Variants in RAB27B observed in about 807,000 individuals in gnomAD.
RAB27B encodes ras-related protein Rab-27B.
In RAB27B, 15 loss-of-function variants were observed where a neutral mutation model predicts 24.6. The observed-to-expected ratio is 0.61, with a 90% confidence interval of 0.41 to 0.94. The LOEUF is 0.94. Among genes scored for constraint, RAB27B ranks in the 40% least tolerant of loss-of-function variants. The probability of loss-of-function intolerance (pLI) is 0.00; values close to 1 mark genes in which losing one functional copy is unlikely to be tolerated. For missense variants in RAB27B, 261 were observed against 266.8 expected (o/e 0.98, Z 0.15); for synonymous variants, 105 against 92.5 (o/e 1.14, Z -0.78).
intron 2 of RAB27B, among the ~76,000 whole-genome samples, chr18:54,732,420 C>T (rs1053845534): frequency 3.9e-5 from 6 of 152,080 alleles, no homozygotes; most frequent in South Asian, 4.1e-4. Context: ...GCCAACATCC[C>T]CAGTTTAGAA....
intron 2 of RAB27B, among the ~76,000 whole-genome samples, chr18:54,727,092 C>T (rs1415117334): frequency 6.6e-6 from 1 of 152,182 alleles, no homozygotes; most frequent in East Asian, 1.9e-4. Flanking sequence ...AAGCATTCTA[C>T]CTCAGCCTAT....
chr18:54,781,871 T>A, intron 2 of RAB27B, among the ~76,000 whole-genome samples: 1 of 152,022 alleles, frequency 6.6e-6, no homozygotes, highest in East Asian at 1.9e-4. Context: ...CTCAGGGAAA[T>A]TTTTTTCACA....
intron 1 of RAB27B, among the ~76,000 whole-genome samples, chr18:54,837,677 ATTATTTTCT>A (rs1910949217): frequency 2.0e-5 from 3 of 152,038 alleles, no homozygotes; most frequent in Admixed American, 1.3e-4. Flanking sequence ...GAGAGGAATA[ATTATTTTCT>A]TTATTTTCTG....
chr18:54,888,377 T>C (rs1277427446), intron 5 of RAB27B, among the ~76,000 whole-genome samples: 4 of 152,168 alleles, frequency 2.6e-5, no homozygotes, highest in Admixed American at 2.6e-4. Context: ...ACTAGAGTTA[T>C]CTCATTTTAT....
chr18:54,760,993 T>C (rs1908168608), intron 2 of RAB27B, among the ~76,000 whole-genome samples: 1 of 101,706 alleles, frequency 9.8e-6, no homozygotes, highest in African/African-American at 3.1e-5. Flanking sequence ...AGGAGAGGTA[T>C]TCTTTTTTTT....
intron 2 of RAB27B, among the ~76,000 whole-genome samples, chr18:54,729,865 A>C (rs1909673667): frequency 6.6e-6 from 1 of 152,312 alleles, no homozygotes; most frequent in East Asian, 1.9e-4. Context: ...ACAAAAAAAA[A>C]ATGTTGAAAG....
At chr18:54,843,358 CT>C (rs1911193931) in intron 1 of RAB27B, among the ~76,000 whole-genome samples, 2 of 23,786 alleles carry the variant, frequency 8.4e-5, no homozygotes, top group Non-Finnish European at 7.6e-4. Context: ...TTCAATAAAA[CT>C]CTTTTTTTTT....
At chr18:54,735,202 A>G (rs1909851501) in intron 2 of RAB27B, among the ~76,000 whole-genome samples, 1 of 152,238 alleles carries the variant, frequency 6.6e-6, no homozygotes, top group Admixed American at 6.5e-5. Flanking sequence ...ACTTTCATTA[A>G]TAACAAAAAA....
At position 54,750,854 on chromosome 18, in the gene RAB27B, G is replaced by A. The variant is rs73959274; in HGVS notation, c.-20+32713G>A. Among the ~76,000 whole-genome samples the A allele has an allele frequency of 2.1e-3, 319 of 152,334 alleles. 2 individuals are homozygous for A. Among genetic ancestry groups the A allele is most frequent in the African/African-American group, 7.5e-3 (312 of 41,582 alleles). The stretch of plus-strand genomic sequence containing the variant: ...TTCTGGAAGAGAATGTAACAGAAAT[G>A]AGTCTTAGGTGATGGGCAGGAGTTA... On this transcript the variant is annotated intron_variant, in intron 2 of 4. Coordinates refer to the RAB27B transcript ENST00000586570.
At chr18:54,833,341 C>T in intron 1 of RAB27B, among the ~76,000 whole-genome samples, 1 of 151,734 alleles carries the variant, frequency 6.6e-6, no homozygotes, top group Non-Finnish European at 1.5e-5. Flanking sequence ...ATTCTCCCAC[C>T]TCAGCCTCCC....
At chr18:54,749,938 T>C (rs1216827499) in intron 2 of RAB27B, among the ~76,000 whole-genome samples, 3 of 152,200 alleles carry the variant, frequency 2.0e-5, no homozygotes, top group African/African-American at 7.2e-5. Flanking sequence ...AAATAAATAC[T>C]GTTTAGAAAT....
Position 54,890,288 on chromosome 18 carries a change from G to A in RAB27B, c.*875G>A, listed in dbSNP as rs923218251. 1 of 152,100 alleles carries A rather than the reference G, an allele frequency of 6.6e-6. No individual in the cohort carries two copies. 9.4% of individuals were successfully genotyped at this position (152,100 alleles called of 1,614,324 possible). A position where few individuals can be genotyped will look rare whatever the true frequency, so the allele number is the denominator to read the frequency against. ...ATTTCAAACAAAATTTTAGAAATTG[G>A]TTTGGTGTTCAGCTTCACATTTCAT... On this transcript the variant is annotated 3_prime_UTR_variant, in exon 6 of 6. Transcript: ENST00000262094.
At chr18:54,886,386 G>A (rs1568116750) in intron 4 of RAB27B, among the ~76,000 whole-genome samples, 1 of 152,028 alleles carries the variant, frequency 6.6e-6, no homozygotes, top group Non-Finnish European at 1.5e-5. Flanking sequence ...CAGAGTAGAT[G>A]CTCAAAATAG....
chr18:54,858,566 T>A (rs553116544), intron 1 of RAB27B, among the ~76,000 whole-genome samples: 1 of 152,076 alleles, frequency 6.6e-6, no homozygotes, highest in Non-Finnish European at 1.5e-5. Flanking sequence ...TCTTTTTTTA[T>A]ATATTTTTAG....
At chr18:54,808,797 A>G (rs1909874567) in intron 2 of RAB27B, among the ~76,000 whole-genome samples, 1 of 152,260 alleles carries the variant, frequency 6.6e-6, no homozygotes. Flanking sequence ...CACTAAATGA[A>G]CAGAATAAAT....
At chr18:54,770,938 A>G (rs1908527171) in intron 2 of RAB27B, among the ~76,000 whole-genome samples, 1 of 152,190 alleles carries the variant, frequency 6.6e-6, no homozygotes, top group South Asian at 2.1e-4. Context: ...TGTTAATTCT[A>G]GGAGCAGAGA....
chr18:54,813,325 A>G (rs889820024), intron 2 of RAB27B, among the ~76,000 whole-genome samples: 2 of 152,150 alleles, frequency 1.3e-5, no homozygotes, highest in African/African-American at 2.4e-5. Context: ...TAATAATTAA[A>G]TCTCCACAAG....
At chr18:54,784,541 G>A (rs1033494121) in intron 2 of RAB27B, among the ~76,000 whole-genome samples, 2 of 152,122 alleles carry the variant, frequency 1.3e-5, no homozygotes, top group Admixed American at 6.5e-5. Context: ...TTTAACTCCC[G>A]CTTGTAAGTG....
intron 2 of RAB27B, among the ~76,000 whole-genome samples, chr18:54,720,195 G>T (rs768414338): frequency 9.2e-5 from 14 of 152,148 alleles, no homozygotes; most frequent in Admixed American, 6.5e-4. Flanking sequence ...AAATGTAAAG[G>T]CTAAAATGAA....
Sources: allele counts gnomAD v4.1 joint callset (sites outside exome capture counted in the v4.1 genomes callset), GRCh38; gene constraint gnomAD v4.1.1; transcripts MANE v1.5; gene names NCBI Gene and HGNC (gene_info 2026-07-23, HGNC 2026-07-21).